DMXL2: variants seen among roughly 807,000 people sequenced by gnomAD.
The protein encoded by DMXL2 is dmX-like protein 2.
In DMXL2, 103 loss-of-function variants were observed where a neutral mutation model predicts 331.1. The observed-to-expected ratio is 0.31, with a 90% CI of 0.27 to 0.37. The LOEUF (loss-of-function observed/expected upper bound fraction) is 0.37, where lower values mean the gene tolerates loss of function less well. DMXL2 is among the 10% of genes least tolerant of loss of function. DMXL2 has a pLI of 1.00. For missense variants in DMXL2, 3,171 were observed against 3,642.9 expected (o/e 0.87, Z 3.33); for synonymous variants, 1,281 against 1,252.1 (o/e 1.02, Z -0.49).
chr15:51,486,439 A>C, intron 22 of DMXL2, 102 bp from the exon 23 acceptor site: 1 of 906,928 alleles, frequency 1.1e-6, no homozygotes. Flanking sequence ...TTATATCCTA[A>C]TGGTGGGCGA....
chr15:51,506,492 C>T lies in DMXL2; in HGVS notation c.2764+642G>A, dbSNP rs77119671. ...TTTTTGAGATGGAGTCTTGCTCTGT[C>T]GCCCAGGCTGGAGTGCAGTGGTGCA... On this transcript the variant is annotated intron_variant, in intron 16 of 43. Transcript: ENST00000560891. Among the ~76,000 whole-genome samples, 398 of 132,434 alleles carry T rather than the reference C, an allele frequency of 3.0e-3. 16 individuals are homozygous for T. The East Asian group carries it at 0.067, about 22-fold the overall frequency. 86.9% of individuals were successfully genotyped at this position (132,434 alleles called of 152,430 possible).
intron 1 of DMXL2, among the ~76,000 whole-genome samples, chr15:51,579,480 T>C (rs575603494): frequency 6.6e-6 from 1 of 152,334 alleles, no homozygotes; most frequent in South Asian, 2.1e-4. Context: ...GTCTGTCTGG[T>C]TCCCACTATA....
chr15:51,599,518 C>A lies in DMXL2; in HGVS notation c.87+22941G>T, dbSNP rs542804507. Among the ~76,000 whole-genome samples, 6 of 152,326 alleles carry A rather than the reference C, an allele frequency of 3.9e-5. No homozygotes were observed. In the East Asian group the frequency reaches 9.6e-4, roughly 24 times the overall value. On this transcript the variant is annotated intron_variant, in intron 1 of 43. Coordinates refer to ENST00000560891, the MANE Select transcript of DMXL2 (RefSeq NM_001378457.1). ...AAACATCCGTATCATATCTACATATCTCTATACCTATACATCACTGCTCTA... is the reference window on the plus strand; with the variant it reads ...AAACATCCGTATCATATCTACATATATCTATACCTATACATCACTGCTCTA...
chr15:51,521,439 TA>T (rs2047363466), intron 13 of DMXL2, among the ~76,000 whole-genome samples: 2 of 149,228 alleles, frequency 1.3e-5, no homozygotes, highest in Non-Finnish European at 3.0e-5. Context: ...GTAGTAGTAG[TA>T]GTAGTAGTAG....
Position 51,579,937 on chromosome 15 carries a change from C to T in DMXL2, c.88-3756G>A, listed in dbSNP as rs138441555. Among the ~76,000 whole-genome samples, 20 of 152,248 alleles carry T rather than the reference C, an allele frequency of 1.3e-4. No homozygotes were observed. In the East Asian group the frequency reaches 3.9e-3, roughly 29 times the overall value. On this transcript the variant is annotated intron_variant, in intron 1 of 43. Coordinates refer to ENST00000560891, the MANE Select transcript of DMXL2 (RefSeq NM_001378457.1). Reference sequence around the variant, plus strand: ...TTTTGAAGACAGAGAAGCTGAGGCCCAGAAAGGGTAAGTAATTTGCCCTAG... The same window carrying T: ...TTTTGAAGACAGAGAAGCTGAGGCCTAGAAAGGGTAAGTAATTTGCCCTAG...
In DMXL2 at chr15:51,545,771, C is replaced by A; in HGVS notation, c.747-5G>T. 3 of 1,599,094 alleles carry A rather than the reference C, an allele frequency of 1.9e-6. No individual in the cohort carries two copies. The highest frequency in any genetic ancestry group is 1.3e-5 in the African/African-American group (1 of 74,510). On this transcript the variant is annotated splice_polypyrimidine_tract_variant and splice_region_variant and intron_variant, in intron 7 of 43. Transcript: ENST00000560891. ...AACACATTACAGACAGAACCCCTAA[C>A]AACAAAGAGAAATAAATAAAGGTTA...
chr15:51,586,549 A>C (rs2051841685), intron 1 of DMXL2, among the ~76,000 whole-genome samples: 1 of 151,280 alleles, frequency 6.6e-6, no homozygotes, highest in Admixed American at 6.6e-5. Flanking sequence ...GTAAAATTTT[A>C]AATTTAGACT....
At chr15:51,613,903 A>G (rs2054129457) in intron 1 of DMXL2, among the ~76,000 whole-genome samples, 1 of 152,184 alleles carries the variant, frequency 6.6e-6, no homozygotes, top group African/African-American at 2.4e-5. Flanking sequence ...GGCCACCTCA[A>G]TCATGTCTTT....
rs139552343 is a variant in DMXL2, at chr15:51,497,254, G to A, written c.4672+1298C>T. Among the ~76,000 whole-genome samples the A allele has an allele frequency of 3.3e-3, 497 of 152,212 alleles. 6 individuals carry two copies. Among genetic ancestry groups the A allele is most frequent in the African/African-American group, 0.012 (481 of 41,538 alleles). On this transcript the variant is annotated intron_variant, in intron 18 of 43. Transcript: ENST00000560891. ...TTAACCTGCAGAGAAGAAAACTTTGGGGGATATACTATAAGGATGTAAATC... is the reference window on the plus strand; with the variant it reads ...TTAACCTGCAGAGAAGAAAACTTTGAGGGATATACTATAAGGATGTAAATC...
chr15:51,514,854 C>T (rs191879840), intron 14 of DMXL2, among the ~76,000 whole-genome samples: 75 of 150,424 alleles, frequency 5.0e-4, no homozygotes, highest in African/African-American at 1.8e-3. Flanking sequence ...TGCTAAAAAA[C>T]CCAAATTCCA....
intron 16 of DMXL2, among the ~76,000 whole-genome samples, chr15:51,504,247 A>G (rs935537454): frequency 6.6e-6 from 1 of 152,234 alleles, no homozygotes; most frequent in Non-Finnish European, 1.5e-5. Flanking sequence ...TTAAACTCAG[A>G]GAGCTTAGTG....
In DMXL2 at chr15:51,456,340, C is replaced by A; in HGVS notation, c.8367G>T (p.Lys2789Asn). Residue 2789 changes from lysine to asparagine, a missense_variant, in exon 38 of 44, where the codon AAG (lysine) becomes AAT (asparagine). Physicochemically the swap from Lys to Asn is moderately conservative, Grantham distance 94 (BLOSUM62 0). Transcript: ENST00000560891. ...GATGGACTGGGTGTGAAGTCATTCTCTTAACATTATGTAGATTCCTTTTCA... is the reference window on the plus strand; with the variant it reads ...GATGGACTGGGTGTGAAGTCATTCTATTAACATTATGTAGATTCCTTTTCA... ...VLMKRNLHNV[K>N]RMTSHPVHQY... The A allele has an allele frequency of 6.3e-7, 1 of 1,595,950 alleles. No homozygotes were observed. Among genetic ancestry groups the A allele is most frequent in the South Asian group, 1.1e-5 (1 of 87,598 alleles).
intron 1 of DMXL2, among the ~76,000 whole-genome samples, chr15:51,617,476 C>T (rs991814900): frequency 1.3e-5 from 2 of 152,142 alleles, no homozygotes; most frequent in African/African-American, 4.8e-5. Flanking sequence ...ATCTACTGAG[C>T]CAGAAAGGAG....
rs980785933 is a variant in DMXL2, at chr15:51,450,331, T to C, written c.8765A>G (p.Asp2922Gly). 4.3e-6 allele frequency: 7 copies of C among 1,613,704 alleles called. No individual in the cohort carries two copies. In the African/African-American group the frequency reaches 5.3e-5, roughly 12 times the overall value. The part of the protein sequence containing the change: ...NSLIHGFTCH[D>G]HGATVLQYAP... ...ATACTGCAGTACCGTGGCACCATGATCGTGGCACGTGAAACCTGAAGAAGA... is the reference window on the plus strand; with the variant it reads ...ATACTGCAGTACCGTGGCACCATGACCGTGGCACGTGAAACCTGAAGAAGA... Residue 2922 changes from aspartate (D) to glycine (G), a missense_variant, in exon 43 of 44, where the codon GAT (aspartate) becomes GGT (glycine). Coordinates refer to ENST00000560891, the MANE Select transcript of DMXL2 (RefSeq NM_001378457.1).
chr15:51,525,473 T>C (rs186405770), intron 13 of DMXL2, among the ~76,000 whole-genome samples: 11 of 151,934 alleles, frequency 7.2e-5, no homozygotes, highest in Non-Finnish European at 1.3e-4. Context: ...CACAAGGGAG[T>C]AGAGCACCAA....
chr15:51,621,465 A>G (rs2054619841), intron 1 of DMXL2, among the ~76,000 whole-genome samples: 1 of 152,220 alleles, frequency 6.6e-6, no homozygotes, highest in Admixed American at 6.5e-5. Context: ...TACAAAATAT[A>G]TTTAATAAAG....
In DMXL2 at chr15:51,501,200, T is replaced by C. The variant is rs557926241; in HGVS notation, c.2993-969A>G. Among the ~76,000 whole-genome samples, 5 of 152,290 alleles carry C rather than the reference T, an allele frequency of 3.3e-5. No individual in the cohort carries two copies. The East Asian group carries it at 9.7e-4, about 29-fold the overall frequency. ...TCAATATGATCTTTCCAACTGTGAA[T>C]GCAAACCTGTCTTACGGATGAATAA... On this transcript the variant is annotated intron_variant, in intron 17 of 43. Transcript: ENST00000560891.
In DMXL2 at chr15:51,514,542, C is replaced by G. The variant is rs149721556; in HGVS notation, c.2544G>C (p.Gln848His). The stretch of plus-strand genomic sequence containing the variant: ...AGTCTTCTTGAAACACATGAAGCAA[C>G]TGTGTATTTGAGCCACACTACAAAT... Reference protein sequence around the residue: ...AITNQCGSNTQLLHVFQEDFI... With the variant: ...AITNQCGSNTHLLHVFQEDFI... Residue 848 changes from glutamine (Q) to histidine (H), a missense_variant, in exon 15 of 44, where the codon CAG becomes CAC. Physicochemically the swap from Gln to His is conservative, Grantham distance 24. Coordinates refer to ENST00000560891, the MANE Select transcript of DMXL2 (RefSeq NM_001378457.1). 1.9e-6 allele frequency: 3 copies of G among 1,588,822 alleles called. No individual in the cohort carries two copies. The highest frequency in any genetic ancestry group is 2.6e-6 in the Non-Finnish European group (3 of 1,167,718).
chr15:51,575,050 A>C (rs756662363), intron 2 of DMXL2, among the ~76,000 whole-genome samples: 1 of 152,012 alleles, frequency 6.6e-6, no homozygotes, highest in Admixed American at 6.6e-5. Context: ...ACCTGGGGGG[A>C]AAAATTAGAA....
Sources: allele counts gnomAD v4.1 joint callset (sites outside exome capture counted in the v4.1 genomes callset), GRCh38; gene constraint gnomAD v4.1.1; transcripts MANE v1.5; gene names NCBI Gene and HGNC (gene_info 2026-07-23, HGNC 2026-07-21).